Variants in TADA3 observed in about 807,000 individuals in gnomAD.
TADA3 encodes the protein transcriptional adaptor 3.
A neutral mutation model predicts 43.2 loss-of-function variants in TADA3; 25 were observed. That is an observed-to-expected ratio of 0.58 (90% CI 0.42 to 0.81). The LOEUF (loss-of-function observed/expected upper bound fraction) is 0.81. Ranked by LOEUF, TADA3 falls within the 30% of genes least tolerant of loss-of-function variation. TADA3 has a pLI of 0.00. For synonymous variants in TADA3, 235 were observed against 225.5 expected (o/e 1.04, Z -0.38); for missense variants, 441 against 567.8 (o/e 0.78, Z 2.27).
At chr3:9,792,663 T>G (rs2078768026), upstream of TADA3, 9 of 1,232,140 alleles carry the variant, frequency 7.3e-6, no homozygotes, top group Admixed American at 2.5e-4. Flanking sequence ...GCGGCCGAGA[T>G]CTCCGCGCTG....
At chr3:9,791,217 T>C (rs766261507) in intron 2 of TADA3, 43 bp downstream of exon 2, 6 of 1,574,988 alleles carry the variant, frequency 3.8e-6, no homozygotes, top group South Asian at 1.2e-5. Context: ...CCATAACTTG[T>C]TGCAGTCCAT....
chr3:9,785,287 CTG>C (rs1559717824), intron 7 of TADA3, 27 bp downstream of exon 7: 7 of 1,561,368 alleles, frequency 4.5e-6, no homozygotes, highest in Non-Finnish European at 6.2e-6. Flanking sequence ...GGGGGCCAGA[CTG>C]TGGGTTGTGG....
intron 6 of TADA3, 118 bp downstream of exon 6, chr3:9,786,888 T>C: frequency 1.1e-6 from 1 of 909,514 alleles, no homozygotes; most frequent in South Asian, 1.6e-5. Flanking sequence ...TTTTTACTTT[T>C]GCACCAACCT....
At chr3:9,792,931 C>A (rs906613910), upstream of TADA3, 3 of 1,397,372 alleles carry the variant, frequency 2.1e-6, no homozygotes, top group East Asian at 5.7e-5. Context: ...TTTAAAAATA[C>A]CGAGACAGCC....
intron 4 of TADA3, chr3:9,787,575 TC>T: frequency 9.8e-7 from 1 of 1,023,960 alleles, no homozygotes; most frequent in Non-Finnish European, 1.4e-6. Flanking sequence ...CTGAAATAAT[TC>T]CCAAGATAGA....
chr3:9,787,455 C>A, intron 4 of TADA3, 115 bp from the exon 5 acceptor site: 1 of 1,408,872 alleles, frequency 7.1e-7, no homozygotes. Flanking sequence ...CAAGGCCAAG[C>A]CCAGTGTCAG....
chr3:9,786,635 A>G lies in TADA3; in HGVS notation c.810+371T>C, dbSNP rs111739690. ...CCTGGCCTCCAGTGGGAGGATGTGTATAAAGCCCCTCCAACAGATGCTTAG... is the reference window on the plus strand; with the variant it reads ...CCTGGCCTCCAGTGGGAGGATGTGTGTAAAGCCCCTCCAACAGATGCTTAG... On this transcript the variant is annotated intron_variant, in intron 6 of 8. Coordinates refer to ENST00000301964, the MANE Select transcript of TADA3 (RefSeq NM_006354.5). Among the ~76,000 whole-genome samples, 423 of 152,342 alleles carry G rather than the reference A, an allele frequency of 2.8e-3. 1 individual carries two copies. Among genetic ancestry groups the G allele is most frequent in the African/African-American group, 9.7e-3 (403 of 41,586 alleles).
chr3:9,782,411 T>C (rs1322504311), intron 8 of TADA3, among the ~76,000 whole-genome samples: 6 of 152,214 alleles, frequency 3.9e-5, no homozygotes, highest in Non-Finnish European at 7.3e-5. Flanking sequence ...TCCTGGGTTG[T>C]TGTCAAGACA....
chr3:9,783,363 A>G (rs893319939), intron 8 of TADA3: 3 of 151,664 alleles, frequency 2.0e-5, no homozygotes, highest in Non-Finnish European at 2.9e-5. Flanking sequence ...CTTGTTGCCC[A>G]GGCTGGAATG....
rs1350973637 is a variant in TADA3, at chr3:9,791,325, G to C, written c.142C>G (p.Leu48Val). 1 of 1,614,126 alleles carries C rather than the reference G, an allele frequency of 6.2e-7. No homozygotes were observed. The highest frequency in any genetic ancestry group is 8.5e-7 in the Non-Finnish European group (1 of 1,180,042). Residue 48 changes from leucine to valine, a missense_variant, in exon 2 of 9, where the codon CTG becomes GTG. By Grantham distance (32) the Leu-to-Val change is conservative. Coordinates refer to ENST00000301964, the MANE Select transcript of TADA3 (RefSeq NM_006354.5). ...GAAGACAGCAGGGTCTCCAGCTCCA[G>C]CTGCAGGGTGTCCAGCTCCTCGATG... is the stretch of plus-strand genomic sequence containing the variant. The part of the protein sequence containing the change: ...IGIEELDTLQ[L>V]ELETLLSSAS...
At chr3:9,790,947 T>C (rs1304381160) in intron 2 of TADA3, among the ~76,000 whole-genome samples, 1 of 152,184 alleles carries the variant, frequency 6.6e-6, no homozygotes, top group Non-Finnish European at 1.5e-5. Flanking sequence ...TTTCTCACTT[T>C]CCTAGTTGCC....
In TADA3 at chr3:9,787,354, G is replaced by A. The variant is rs1430089704; in HGVS notation, c.565-14C>T. ...CAGGGGTGGGATCTGTGGAAAAGAT[G>A]GCACCCAACCCTGAGTGGGTAAGCA... On this transcript the variant is annotated splice_polypyrimidine_tract_variant and intron_variant, in intron 4 of 8. Transcript: ENST00000301964. 6.2e-7 allele frequency: 1 copy of A among 1,601,044 alleles called. No homozygotes were observed. Among genetic ancestry groups the A allele is most frequent in the East Asian group, 2.2e-5 (1 of 44,838 alleles).
chr3:9,783,323 TTC>T (rs1457778961), intron 8 of TADA3: 2 of 152,106 alleles, frequency 1.3e-5, no homozygotes, highest in Non-Finnish European at 2.9e-5. Context: ...TAAATTTTTT[TTC>T]TTTTTTTTTT....
chr3:9,783,633 C>G (rs984430524), intron 8 of TADA3: 4 of 156,260 alleles, frequency 2.6e-5, no homozygotes, highest in African/African-American at 9.6e-5. Flanking sequence ...AAAAAATTAG[C>G]TGGGCGTGGT....
intron 7 of TADA3, 136 bp from the exon 8 acceptor site, chr3:9,784,349 C>G: frequency 8.6e-7 from 1 of 1,161,462 alleles, no homozygotes; most frequent in Non-Finnish European, 1.2e-6. Flanking sequence ...TATCCAGATA[C>G]AAAGGGAGGG....
chr3:9,787,627 A>G, intron 4 of TADA3: 2 of 1,280,274 alleles, frequency 1.6e-6, no homozygotes, highest in South Asian at 1.3e-5. Context: ...GGTCACAGCA[A>G]TTGCCTCTCG....
intron 7 of TADA3, among the ~76,000 whole-genome samples, chr3:9,784,898 T>C (rs2078571213): frequency 6.6e-6 from 1 of 151,876 alleles, no homozygotes; most frequent in African/African-American, 2.4e-5. Flanking sequence ...AAAAGAAATA[T>C]ATTTTAAGTA....
rs1481977543 is a variant in TADA3 at position 9,789,498 on chromosome 3, A to T, written c.564+11T>A. The T allele has an allele frequency of 1.2e-6, 2 of 1,612,006 alleles. No homozygotes were observed. The highest frequency in any genetic ancestry group is 1.7e-6 in the Non-Finnish European group (2 of 1,178,572). ...TTCCGCATCATGTCTATCAAGGCCC[A>T]GAGTTTCTACCTTGTAATGCTCAGC... On this transcript the variant is annotated intron_variant, in intron 4 of 8. Coordinates refer to ENST00000301964, the MANE Select transcript of TADA3 (RefSeq NM_006354.5).
chr3:9,789,668 C>A (rs1368404232), intron 3 of TADA3, 45 bp downstream of exon 3: 1 of 1,609,602 alleles, frequency 6.2e-7, no homozygotes, highest in East Asian at 2.2e-5. Flanking sequence ...AGTGCCTCCA[C>A]CACCAGAACC....
Sources: gnomAD v4.1 joint callset for allele counts (sites outside exome capture counted in the v4.1 genomes callset) on GRCh38, gnomAD v4.1.1 for gene constraint, MANE v1.5 for transcripts, NCBI Gene and HGNC (gene_info 2026-07-23, HGNC 2026-07-21) for gene names.